Variants in ZNF385D observed in about 807,000 individuals in gnomAD.
The protein encoded by ZNF385D is zinc finger protein 659.
Under a neutral mutation model 35.8 loss-of-function variants are expected in ZNF385D, and 15 were observed. The observed-to-expected ratio is 0.42, with a 90% CI of 0.28 to 0.64. The LOEUF (loss-of-function observed/expected upper bound fraction) is 0.64. Ranked by LOEUF, ZNF385D falls within the 30% of genes least tolerant of loss-of-function variation. The probability of loss-of-function intolerance (pLI) is 0.23; values close to 1 mark genes in which losing one functional copy is unlikely to be tolerated. For missense variants in ZNF385D, 474 were observed against 494.6 expected (o/e 0.96, Z 0.39); for synonymous variants, 212 against 186.8 (o/e 1.13, Z -1.10).
At chr3:21,771,720 G>C (rs992767942) in intron 3 of ZNF385D, among the ~76,000 whole-genome samples, 1 of 151,802 alleles carries the variant, frequency 6.6e-6, no homozygotes, top group Non-Finnish European at 1.5e-5. Flanking sequence ...CCATCAAGAT[G>C]GGGGAGGGAG....
chr3:22,231,113 CA>C (rs1009129444), intron 2 of ZNF385D, among the ~76,000 whole-genome samples: 6 of 152,036 alleles, frequency 3.9e-5, no homozygotes, highest in African/African-American at 1.5e-4. Context: ...ATGTTTTCAA[CA>C]ATAGGAACAG....
At chr3:22,324,288 A>G (rs1273510656) in intron 2 of ZNF385D, among the ~76,000 whole-genome samples, 2 of 152,174 alleles carry the variant, frequency 1.3e-5, no homozygotes, top group Non-Finnish European at 1.5e-5. Flanking sequence ...AAATGAAATA[A>G]TCATTATTTG....
intron 4 of ZNF385D, among the ~76,000 whole-genome samples, chr3:21,449,139 A>G (rs1702313073): frequency 1.3e-5 from 2 of 152,220 alleles, no homozygotes; most frequent in South Asian, 2.1e-4. Flanking sequence ...TTTTAATTCA[A>G]TACTTTAAAT....
chr3:21,517,683 T>G (rs898270002), intron 3 of ZNF385D, among the ~76,000 whole-genome samples: 2 of 152,186 alleles, frequency 1.3e-5, no homozygotes, highest in African/African-American at 4.8e-5. Flanking sequence ...TACGGTAATC[T>G]GACTAGTTAA....
intron 3 of ZNF385D, among the ~76,000 whole-genome samples, chr3:21,818,492 TG>T (rs1559654193): frequency 6.6e-6 from 1 of 152,184 alleles, no homozygotes; most frequent in African/African-American, 2.4e-5. Flanking sequence ...TTAATTTGGG[TG>T]TTATCATAAT....
At chr3:21,848,415 A>G (rs1195269242) in intron 3 of ZNF385D, among the ~76,000 whole-genome samples, 1 of 152,036 alleles carries the variant, frequency 6.6e-6, no homozygotes, top group Non-Finnish European at 1.5e-5. Flanking sequence ...TTAGAAGAAT[A>G]AATGAAATAG....
rs559707132 is a variant in ZNF385D, at chr3:21,863,550, C to T, written c.326-198522G>A. Among the ~76,000 whole-genome samples the T allele has an allele frequency of 2.0e-5, 3 of 152,102 alleles. No homozygotes were observed. In the South Asian group the frequency reaches 6.2e-4, roughly 32 times the overall value. ...GGTCATCAAAGGAAAGGTTTTAAAC[C>T]TATGTTTCCCAGGGCTAGCTAGTAG... On this transcript the variant is annotated intron_variant, in intron 3 of 5. Transcript: ENST00000494108.
intron 3 of ZNF385D, among the ~76,000 whole-genome samples, chr3:22,068,679 A>G (rs1700085535): frequency 6.6e-6 from 1 of 152,070 alleles, no homozygotes; most frequent in Non-Finnish European, 1.5e-5. Context: ...ACATATGTGA[A>G]AGGCCTAATT....
At chr3:21,657,921 G>C (rs1419100612) in intron 2 of ZNF385D, among the ~76,000 whole-genome samples, 1 of 151,938 alleles carries the variant, frequency 6.6e-6, no homozygotes, top group Non-Finnish European at 1.5e-5. Flanking sequence ...CCAGAGAAGA[G>C]AGCACTATAC....
intron 3 of ZNF385D, among the ~76,000 whole-genome samples, chr3:22,013,750 G>A (rs779096918): frequency 5.9e-5 from 9 of 152,136 alleles, no homozygotes; most frequent in Non-Finnish European, 1.0e-4. Flanking sequence ...GCTGAAGGAT[G>A]AAGCTTGGTG....
At chr3:21,961,876 A>G (rs1350340810) in intron 3 of ZNF385D, among the ~76,000 whole-genome samples, 5 of 152,086 alleles carry the variant, frequency 3.3e-5, no homozygotes, top group Admixed American at 2.0e-4. Flanking sequence ...ATGACCATAG[A>G]GCTTATGAGA....
At chr3:21,739,208 T>C (rs2069388722) in intron 1 of ZNF385D, among the ~76,000 whole-genome samples, 1 of 152,192 alleles carries the variant, frequency 6.6e-6, no homozygotes, top group Admixed American at 6.5e-5. Context: ...GAAAAGTCAC[T>C]TGCATCAGAG....
At chr3:21,673,695 G>T (rs2066642515) in intron 1 of ZNF385D, among the ~76,000 whole-genome samples, 2 of 152,188 alleles carry the variant, frequency 1.3e-5, no homozygotes, top group Non-Finnish European at 2.9e-5. Context: ...TTTTTAAAAA[G>T]TTAATGATTA....
rs577677488 is a variant in ZNF385D, at chr3:22,277,082, A to G, written c.106+95368T>C. Among the ~76,000 whole-genome samples the G allele has an allele frequency of 7.2e-5, 11 of 152,276 alleles. No homozygotes were observed. The East Asian group carries it at 2.1e-3, about 29-fold the overall frequency. On this transcript the variant is annotated intron_variant, in intron 2 of 5. Coordinates refer to the ZNF385D transcript ENST00000494108. ...ATTTTCACAAAGAATGAGACAGCTC[A>G]AAATTCTAATTCTAAGTAACAGATT... is the stretch of plus-strand genomic sequence containing the variant.
rs140633283 is a variant in ZNF385D, at chr3:21,841,826, G to A, written c.326-176798C>T. Among the ~76,000 whole-genome samples, 454 of 151,316 alleles carry A rather than the reference G, an allele frequency of 3.0e-3. 3 individuals are homozygous for A. Among genetic ancestry groups the A allele is most frequent in the African/African-American group, 0.01 (427 of 41,284 alleles). On this transcript the variant is annotated intron_variant, in intron 3 of 5. Coordinates refer to the ZNF385D transcript ENST00000494108. ...TAACATTTTTTAAGTTTGTAAATTC[G>A]CAATTCATACATATTTTTCTGTGCC...
At chr3:21,676,448 G>A (rs1180897343) in intron 1 of ZNF385D, among the ~76,000 whole-genome samples, 1 of 152,012 alleles carries the variant, frequency 6.6e-6, no homozygotes, top group Admixed American at 6.6e-5. Flanking sequence ...TGTAAAATCA[G>A]TTCCTAATGG....
At chr3:22,048,150 G>C (rs995366691) in intron 3 of ZNF385D, among the ~76,000 whole-genome samples, 3 of 152,018 alleles carry the variant, frequency 2.0e-5, no homozygotes, top group Non-Finnish European at 2.9e-5. Context: ...TGCCTTACCA[G>C]ATGGGTGGTT....
chr3:22,045,420 A>G (rs894380912), intron 3 of ZNF385D, among the ~76,000 whole-genome samples: 8 of 152,142 alleles, frequency 5.3e-5, no homozygotes, highest in African/African-American at 1.7e-4. Context: ...AGAACTGAAG[A>G]AGAGAGGCTG....
At chr3:22,018,895 G>A (rs763982178) in intron 3 of ZNF385D, among the ~76,000 whole-genome samples, 34 of 151,938 alleles carry the variant, frequency 2.2e-4, no homozygotes, top group Non-Finnish European at 4.4e-4. Context: ...CATAGGCTGT[G>A]TAAGTTTGGC....
Sources: gnomAD v4.1 joint callset for allele counts (sites outside exome capture counted in the v4.1 genomes callset) on GRCh38, gnomAD v4.1.1 for gene constraint, MANE v1.5 for transcripts, NCBI Gene and HGNC (gene_info 2026-07-23, HGNC 2026-07-21) for gene names.